MBOAT1: variants seen among roughly 807,000 people sequenced by gnomAD.
The protein encoded by MBOAT1 is membrane-bound glycerophospholipid O-acyltransferase 1.
A neutral mutation model predicts 64.4 loss-of-function variants in MBOAT1; 67 were observed. The observed-to-expected ratio is 1.04, with a 90% confidence interval of 0.85 to 1.27. The LOEUF (loss-of-function observed/expected upper bound fraction) is 1.27. Ranked by LOEUF, MBOAT1 falls within the 50% of genes most tolerant of loss-of-function variation. The pLI, the probability that MBOAT1 is intolerant of heterozygous loss-of-function variation, is 0.00. For synonymous variants in MBOAT1, 229 were observed against 218.9 expected (o/e 1.05, Z -0.41); for missense variants, 563 against 604.6 (o/e 0.93, Z 0.72).
At chr6:20,111,869 C>CATATAT (rs1196064015) in intron 11 of MBOAT1, among the ~76,000 whole-genome samples, 4 of 124,314 alleles carry the variant, frequency 3.2e-5, no homozygotes, top group African/African-American at 1.6e-4. Context: ...CATATATATA[C>CATATAT]ATATATATAT....
chr6:20,153,112 G>A (rs1160521889), intron 1 of MBOAT1, among the ~76,000 whole-genome samples: 2 of 152,320 alleles, frequency 1.3e-5, no homozygotes, highest in South Asian at 2.1e-4. Context: ...GGGATTACAG[G>A]CGTGAGCCAC....
intron 1 of MBOAT1, among the ~76,000 whole-genome samples, chr6:20,200,141 C>G (rs928780346): frequency 3.3e-5 from 5 of 152,136 alleles, no homozygotes; most frequent in Admixed American, 2.0e-4. Context: ...GTATAGTTCA[C>G]ATGTTCCTAA....
intron 1 of MBOAT1, 167 bp downstream of exon 1, chr6:20,211,969 A>AACAC (rs57852903): frequency 0.37 from 166,491 of 451,748 alleles, 14,747 homozygotes; most frequent in Non-Finnish European, 0.4. Context: ...AAGAAGGGAA[A>AACAC]ACACACACAC....
intron 1 of MBOAT1, among the ~76,000 whole-genome samples, chr6:20,183,046 C>G (rs1323116985): frequency 6.6e-6 from 1 of 152,106 alleles, no homozygotes; most frequent in African/African-American, 2.4e-5. Context: ...GAGAAGCTCC[C>G]CAGCCTGATC....
At chr6:20,194,932 T>C (rs560928022) in intron 1 of MBOAT1, among the ~76,000 whole-genome samples, 39 of 151,926 alleles carry the variant, frequency 2.6e-4, no homozygotes, top group Admixed American at 1.8e-3. Flanking sequence ...TTCTATAACC[T>C]ATAGATTATA....
Position 20,168,645 on chromosome 6 carries a change from G to GAGAAGAGAAGAGAA in MBOAT1, c.100-15877_100-15876insTTCTCTTCTCTTCT, listed in dbSNP as rs1561773422. Among the ~76,000 whole-genome samples the GAGAAGAGAAGAGAA allele has an allele frequency of 6.6e-4, 59 of 89,184 alleles. 1 individual carries two copies. The highest frequency in any genetic ancestry group is 0.011 in the Middle Eastern group (2 of 182). The allele number at this position is 89,184 out of a possible 152,430, so 58.5% of individuals were successfully genotyped here. On this transcript the variant is annotated intron_variant, in intron 1 of 12. Coordinates refer to ENST00000324607, the MANE Select transcript of MBOAT1 (RefSeq NM_001080480.3). ...AGAGAAGAGAAGAGAAGAGAAGAGA[G>GAGAAGAGAAGAGAA]GAGAGGAGAGGGAAAGAGAGAAAGA...
intron 1 of MBOAT1, 60 bp downstream of exon 1, chr6:20,212,076 C>T: frequency 6.6e-7 from 1 of 1,510,250 alleles, no homozygotes. Flanking sequence ...ACACTTTCGC[C>T]CGCCCCGTGC....
At chr6:20,141,353 CTTTTTCTTTTTTT>C (rs1237551716) in intron 4 of MBOAT1, among the ~76,000 whole-genome samples, 1 of 105,592 alleles carries the variant, frequency 9.5e-6, no homozygotes, top group African/African-American at 3.2e-5. Context: ...TTTTCTTTTT[CTTTTTCTTTTTTT>C]TTTTTTTTTT....
chr6:20,185,317 A>G (rs1762621088), intron 1 of MBOAT1, among the ~76,000 whole-genome samples: 1 of 152,204 alleles, frequency 6.6e-6, no homozygotes, highest in African/African-American at 2.4e-5. Flanking sequence ...GGCTAGGCCA[A>G]AGTACCCAGA....
At chr6:20,110,445 G>A (rs915026987) in intron 11 of MBOAT1, among the ~76,000 whole-genome samples, 14 of 148,214 alleles carry the variant, frequency 9.4e-5, no homozygotes, top group African/African-American at 3.2e-4. Flanking sequence ...CAAACTCCTG[G>A]GGTCAAGCAA....
At chr6:20,174,241 G>T (rs186115402) in intron 1 of MBOAT1, among the ~76,000 whole-genome samples, 1 of 152,172 alleles carries the variant, frequency 6.6e-6, no homozygotes, top group African/African-American at 2.4e-5. Flanking sequence ...ATCCTGCGTC[G>T]CTTAACAATG....
At chr6:20,210,769 C>G (rs1176748794) in intron 1 of MBOAT1, among the ~76,000 whole-genome samples, 1 of 152,132 alleles carries the variant, frequency 6.6e-6, no homozygotes, top group African/African-American at 2.4e-5. Flanking sequence ...AAAAAGCCTT[C>G]CTGGAGTCTT....
chr6:20,112,296 T>C (rs1760194119), intron 11 of MBOAT1, among the ~76,000 whole-genome samples: 1 of 152,002 alleles, frequency 6.6e-6, no homozygotes, highest in Non-Finnish European at 1.5e-5. Context: ...CAGAACAATC[T>C]AGAGAAACTA....
At chr6:20,102,528 G>GACCA in intron 12 of MBOAT1, 116 bp from the exon 13 acceptor site, 6 of 792,614 alleles carry the variant, frequency 7.6e-6, no homozygotes, top group Admixed American at 5.3e-5. Flanking sequence ...GCAGTAGGAG[G>GACCA]CCTGTCTACA....
chr6:20,102,523 A>G, intron 12 of MBOAT1, 111 bp from the exon 13 acceptor site: 1 of 857,138 alleles, frequency 1.2e-6, no homozygotes, highest in Non-Finnish European at 1.8e-6. Context: ...TTTTGGCAGT[A>G]GGAGGCCTGT....
chr6:20,156,749 G>A (rs1581430831), intron 1 of MBOAT1, among the ~76,000 whole-genome samples: 1 of 152,166 alleles, frequency 6.6e-6, no homozygotes, highest in Non-Finnish European at 1.5e-5. Context: ...TCTGTTATTG[G>A]TGTATAAGAA....
intron 3 of MBOAT1, among the ~76,000 whole-genome samples, chr6:20,149,489 T>C (rs1404047249): frequency 6.6e-6 from 1 of 152,218 alleles, no homozygotes; most frequent in Non-Finnish European, 1.5e-5. Flanking sequence ...AACCAAGTTT[T>C]GGAAAAGCCA....
At chr6:20,190,098 A>G (rs1192971761) in intron 1 of MBOAT1, among the ~76,000 whole-genome samples, 1 of 151,798 alleles carries the variant, frequency 6.6e-6, no homozygotes, top group South Asian at 2.1e-4. Context: ...GGGTTCAAGC[A>G]ATTCTCCTGC....
intron 1 of MBOAT1, among the ~76,000 whole-genome samples, chr6:20,166,704 G>A (rs185299244): frequency 1.6e-3 from 245 of 152,238 alleles, no homozygotes; most frequent in African/African-American, 5.6e-3. Context: ...TTGGGAGGCC[G>A]AGGCGGGAGG....
Sources: allele counts gnomAD v4.1 joint callset (sites outside exome capture counted in the v4.1 genomes callset), GRCh38; gene constraint gnomAD v4.1.1; transcripts MANE v1.5; gene names NCBI Gene and HGNC (gene_info 2026-07-23, HGNC 2026-07-21).